Variants in COL21A1 observed in about 807,000 individuals in gnomAD.
The protein encoded by COL21A1 is collagen type XXI alpha 1 chain.
A neutral mutation model predicts 137.9 loss-of-function variants in COL21A1; 149 were observed. The observed-to-expected ratio is 1.08, with a 90% confidence interval of 0.95 to 1.24. COL21A1 has a LOEUF of 1.24. Ranked by LOEUF, COL21A1 falls within the 50% of genes most tolerant of loss-of-function variation. The probability of loss-of-function intolerance (pLI) is 0.00; values close to 1 mark genes in which losing one functional copy is unlikely to be tolerated. For synonymous variants in COL21A1, 456 were observed against 391.5 expected (o/e 1.16, Z -1.95); for missense variants, 1,167 against 1,158.4 (o/e 1.01, Z -0.11).
At chr6:56,235,095 C>T (rs1343987901) in intron 1 of COL21A1, among the ~76,000 whole-genome samples, 1 of 151,772 alleles carries the variant, frequency 6.6e-6, no homozygotes, top group Non-Finnish European at 1.5e-5. Context: ...GAAAACACAC[C>T]TTAATTTGTG....
intron 10 of COL21A1, among the ~76,000 whole-genome samples, chr6:56,150,480 T>TG (rs1207007539): frequency 1.3e-5 from 2 of 148,954 alleles, no homozygotes; most frequent in Non-Finnish European, 3.0e-5. Context: ...AGCGCGCCAC[T>TG]GCGCTCCAGC....
intron 1 of COL21A1, among the ~76,000 whole-genome samples, chr6:56,229,428 C>A (rs1014439492): frequency 6.6e-6 from 1 of 151,960 alleles, no homozygotes; most frequent in African/African-American, 2.4e-5. Flanking sequence ...TTTAAACTTA[C>A]ATATGTTTTA....
At chr6:56,271,127 C>A (rs765599297) in intron 1 of COL21A1, among the ~76,000 whole-genome samples, 19 of 152,264 alleles carry the variant, frequency 1.2e-4, no homozygotes, top group Non-Finnish European at 2.5e-4. Flanking sequence ...TTGGAACTTC[C>A]TAGAGACTGT....
intron 1 of COL21A1, among the ~76,000 whole-genome samples, chr6:56,215,560 C>T (rs180683874): frequency 7.2e-5 from 11 of 152,142 alleles, no homozygotes; most frequent in Admixed American, 2.6e-4. Context: ...CTTAAATTCT[C>T]ACTCCCTGTG....
At chr6:56,204,899 T>C (rs1383367847) in intron 1 of COL21A1, among the ~76,000 whole-genome samples, 1 of 152,202 alleles carries the variant, frequency 6.6e-6, no homozygotes, top group Admixed American at 6.5e-5. Flanking sequence ...GGGGCCTGAC[T>C]GTTAGAAGGA....
At chr6:56,074,128 A>G in intron 20 of COL21A1, 104 bp downstream of exon 20, 1 of 718,394 alleles carries the variant, frequency 1.4e-6, no homozygotes, top group East Asian at 3.0e-5. Flanking sequence ...AATAAAAACC[A>G]CATTTAAAAT....
At chr6:56,101,736 T>C (rs867855951) in intron 16 of COL21A1, among the ~76,000 whole-genome samples, 86 of 148,882 alleles carry the variant, frequency 5.8e-4, no homozygotes, top group African/African-American at 2.0e-3. Context: ...AATGTGTACA[T>C]AATGGCAGAT....
At position 56,061,055 on chromosome 6, in the gene COL21A1, C is replaced by CTA. The variant is rs1765758414; in HGVS notation, c.2206-19_2206-18insTA. 2 of 1,564,252 alleles carry CTA rather than the reference C, an allele frequency of 1.3e-6. No individual in the cohort carries two copies. Among genetic ancestry groups the CTA allele is most frequent in the African/African-American group, 2.8e-5 (2 of 72,086 alleles). On this transcript the variant is annotated intron_variant, in intron 25 of 29. Transcript: ENST00000244728. The stretch of plus-strand genomic sequence containing the variant: ...TCACCTCTCTAAAAGCAAAAGAAAT[C>CTA]TTTACAAGTTCTATTTAAATATTTC...
intron 17 of COL21A1, among the ~76,000 whole-genome samples, chr6:56,092,439 A>T (rs1768931749): frequency 6.6e-6 from 1 of 152,208 alleles, no homozygotes; most frequent in Non-Finnish European, 1.5e-5. Context: ...CAAATTTACA[A>T]TATGATAACA....
chr6:56,363,945 C>G (rs1337030651), intron 1 of COL21A1, among the ~76,000 whole-genome samples: 1 of 152,190 alleles, frequency 6.6e-6, no homozygotes, highest in Admixed American at 6.5e-5. Flanking sequence ...ATTACTGGGA[C>G]AGACAGACCT....
chr6:56,273,049 A>T lies in COL21A1; in HGVS notation c.-38-90393T>A, dbSNP rs551493092. 8.5e-5 allele frequency among the ~76,000 whole-genome samples: 13 copies of T among 152,358 alleles called. No individual in the cohort carries two copies. The East Asian group carries it at 2.3e-3, about 27-fold the overall frequency. On this transcript the variant is annotated intron_variant, in intron 1 of 28. Transcript: ENST00000370819. ...CAACCACTTCCTTGGACCACAGCAC[A>T]ATAAAAATATAATTCAATATCAAGA... is the stretch of plus-strand genomic sequence containing the variant.
intron 1 of COL21A1, among the ~76,000 whole-genome samples, chr6:56,183,589 C>T (rs1357612093): frequency 6.6e-6 from 1 of 152,142 alleles, no homozygotes. Flanking sequence ...CAGTATAGAA[C>T]AGCCTAGAGA....
At chr6:56,227,783 A>T (rs190511271) in intron 1 of COL21A1, among the ~76,000 whole-genome samples, 1 of 152,178 alleles carries the variant, frequency 6.6e-6, no homozygotes, top group African/African-American at 2.4e-5. Context: ...GATATCAAAT[A>T]TATAACTACA....
At chr6:56,069,255 A>C (rs1181187861) in intron 21 of COL21A1, 138 bp from the exon 22 acceptor site, 1 of 475,464 alleles carries the variant, frequency 2.1e-6, no homozygotes, top group African/African-American at 2.0e-5. Context: ...AGAAATAGTA[A>C]AGAATAAAAT....
chr6:56,101,210 T>C (rs1770430419), intron 17 of COL21A1, among the ~76,000 whole-genome samples: 1 of 152,194 alleles, frequency 6.6e-6, no homozygotes, highest in South Asian at 2.1e-4. Flanking sequence ...ACCATGATGT[T>C]TGTGTTAACC....
At chr6:56,134,993 A>T (rs960308069) in intron 12 of COL21A1, among the ~76,000 whole-genome samples, 3 of 152,168 alleles carry the variant, frequency 2.0e-5, no homozygotes, top group Admixed American at 2.0e-4. Flanking sequence ...TGCTTACCTA[A>T]CTTTACTCCA....
At chr6:56,161,231 T>C (rs1044954713) in intron 9 of COL21A1, among the ~76,000 whole-genome samples, 1 of 152,186 alleles carries the variant, frequency 6.6e-6, no homozygotes, top group African/African-American at 2.4e-5. Flanking sequence ...AAAGAAGTTA[T>C]TAAAAAATTG....
chr6:56,074,264 A>T lies in COL21A1; in HGVS notation c.1933T>A (p.Ser645Thr). ...CCCGGTGTTCCAGGCTGGCCTGGTG[A>T]GCCATTGCTTCCCATTAAACCCTAC... ...GMPGLMGSNG[S>T]PGQPGTPGSK... Residue 645 changes from serine to threonine, a missense_variant, in exon 20 of 30, where the codon TCA (serine) becomes ACA (threonine). Ser to Thr is a moderately conservative substitution (Grantham distance 58, BLOSUM62 1). Coordinates refer to ENST00000244728, the MANE Select transcript of COL21A1 (RefSeq NM_030820.4). 1.3e-6 allele frequency: 2 copies of T among 1,594,546 alleles called. No homozygotes were observed. The highest frequency in any genetic ancestry group is 1.7e-6 in the Non-Finnish European group (2 of 1,170,240).
chr6:56,332,927 C>T (rs6914946), intron 1 of COL21A1, among the ~76,000 whole-genome samples: 19,008 of 151,938 alleles, frequency 0.13, 1,544 homozygotes, highest in African/African-American at 0.24. Flanking sequence ...GCAGATATGT[C>T]TGGACATATT....
Sources: allele counts gnomAD v4.1 joint callset (sites outside exome capture counted in the v4.1 genomes callset), GRCh38; gene constraint gnomAD v4.1.1; transcripts MANE v1.5; gene names NCBI Gene and HGNC (gene_info 2026-07-23, HGNC 2026-07-21).